CRHR2: variants seen among roughly 807,000 people sequenced by gnomAD.
The protein encoded by CRHR2 is corticotropin-releasing hormone receptor 2.
A neutral mutation model predicts 57.9 loss-of-function variants in CRHR2; 53 were observed. The ratio of observed to expected loss-of-function variants is 0.92; its 90% CI spans 0.73 to 1.15. The LOEUF is 1.15. CRHR2 is among the 50% of genes most tolerant of loss of function. The pLI is 0.00. For missense variants in CRHR2, 532 were observed against 542.6 expected, an observed-to-expected ratio of 0.98 and a Z score of 0.19; for synonymous variants, 213 against 220.9, an observed-to-expected ratio of 0.96 and a Z score of 0.32.
Position 30,662,109 on chromosome 7 carries a change from C to T in CRHR2, c.758+47G>A, listed in dbSNP as rs551153134. On this transcript the variant is annotated intron_variant, in intron 7 of 11. Transcript: ENST00000471646. ...GCCCAAGGCTGACCTGTCCTAACAC[C>T]CCCATTCCCTTCCCCATGACCCCCC... 5.6e-6 allele frequency: 9 copies of T among 1,603,202 alleles called. No homozygotes were observed. In the South Asian group the frequency reaches 7.7e-5, roughly 14 times the overall value.
At chr7:30,692,475 T>C (rs968528273) in intron 1 of CRHR2, among the ~76,000 whole-genome samples, 1 of 152,174 alleles carries the variant, frequency 6.6e-6, no homozygotes, top group Non-Finnish European at 1.5e-5. Flanking sequence ...CGAAGGCCGT[T>C]CGGCGAACTG....
chr7:30,695,449 CTT>C lies in CRHR2; in HGVS notation c.-261+4493_-261+4494del, dbSNP rs147153139. 3.5e-4 allele frequency among the ~76,000 whole-genome samples: 53 copies of C among 152,216 alleles called. No homozygotes were observed. The East Asian group carries it at 9.7e-3, about 28-fold the overall frequency. ...GCCTCTCCTCATTCTGCTGTTCTCT[CTT>C]CTCTCTGAACGCCCATGAATCCCTC... On this transcript the variant is annotated intron_variant, in intron 1 of 13. Transcript: ENST00000341843.
At chr7:30,689,169 G>T in intron 2 of CRHR2, 1 of 1,544,870 alleles carries the variant, frequency 6.5e-7, no homozygotes, top group Non-Finnish European at 8.8e-7. Context: ...GCTGCTGCAG[G>T]GTGGTGGCAG....
chr7:30,664,801 T>G (rs925306208), intron 5 of CRHR2, among the ~76,000 whole-genome samples: 21 of 152,000 alleles, frequency 1.4e-4, no homozygotes, highest in Non-Finnish European at 2.9e-4. Context: ...AGTCTCTGTG[T>G]GCAAATCTCC....
intron 7 of CRHR2, among the ~76,000 whole-genome samples, chr7:30,661,776 T>C (rs1418379787): frequency 1.3e-5 from 2 of 152,110 alleles, no homozygotes; most frequent in African/African-American, 4.8e-5. Context: ...CTCTGTTAAA[T>C]GCTCATGGAC....
Position 30,662,661 on chromosome 7 carries a change from C to G in CRHR2, c.697+33G>C, listed in dbSNP as rs200828529. 95 of 1,602,012 alleles carry G rather than the reference C, an allele frequency of 5.9e-5. No individual in the cohort carries two copies. The East Asian group carries it at 9.4e-4, about 16-fold the overall frequency. On this transcript the variant is annotated intron_variant, in intron 6 of 11. Transcript: ENST00000471646. ...AATGGCCTGGTGAGAAGTCCTCCCC[C>G]CAACTAGGCCCTGCTGCCCCTGGGA...
At chr7:30,682,080 C>T in intron 1 of CRHR2, 40 bp from the exon 2 acceptor site, 2 of 1,549,552 alleles carry the variant, frequency 1.3e-6, no homozygotes, top group Non-Finnish European at 1.7e-6. Flanking sequence ...CAGAGGGGCC[C>T]GCAGGGACGC....
At chr7:30,667,476 T>C (rs1784224750) in intron 2 of CRHR2, among the ~76,000 whole-genome samples, 163 bp from the exon 3 acceptor site, 1 of 152,178 alleles carries the variant, frequency 6.6e-6, no homozygotes, top group Non-Finnish European at 1.5e-5. Flanking sequence ...TATGTGAAAA[T>C]AGCACAAAAG....
At position 30,656,518 on chromosome 7, in the gene CRHR2, A is replaced by T. The variant is rs988172487; in HGVS notation, c.832-506T>A. ...GGAGGGATTAAGAACTCAGTTGCCG[A>T]ATGAGTGATTAATCTGCCAGCATCC... On this transcript the variant is annotated intron_variant, in intron 8 of 11. Transcript: ENST00000471646. This position sits in a 1 kb window ranked among gnomAD's most constrained non-coding sequence, Gnocchi z 4.4. 6.6e-6 allele frequency among the ~76,000 whole-genome samples: 1 copy of T among 152,010 alleles called. No homozygotes were observed. The highest frequency in any genetic ancestry group is 1.5e-5 in the Non-Finnish European group (1 of 67,968).
intron 1 of CRHR2, among the ~76,000 whole-genome samples, chr7:30,694,621 C>T (rs1322624997): frequency 6.6e-6 from 1 of 152,182 alleles, no homozygotes; most frequent in African/African-American, 2.4e-5. Flanking sequence ...AGCTCCCTCC[C>T]TGCTTTCTCC....
In CRHR2 at chr7:30,656,883, T is replaced by C. The variant is rs191419707; in HGVS notation, c.832-871A>G. On this transcript the variant is annotated intron_variant, in intron 8 of 11. Coordinates refer to ENST00000471646, the MANE Select transcript of CRHR2 (RefSeq NM_001883.5). The surrounding 1 kb of genome is among the most constrained non-coding windows in gnomAD (Gnocchi z 4.4). ...GCAAGTGTGTTTGCCTCACAGAGCG[T>C]GTGCATGTGTGAGCATGGATCTGGG... 2.0e-4 allele frequency among the ~76,000 whole-genome samples: 30 copies of C among 152,280 alleles called. No individual in the cohort carries two copies. The highest frequency in any genetic ancestry group is 5.5e-4 in the African/African-American group (23 of 41,550).
rs754768112 is a variant in CRHR2, at chr7:30,665,938, G to A, written c.316-299C>T. Among the ~76,000 whole-genome samples, 7 of 152,112 alleles carry A rather than the reference G, an allele frequency of 4.6e-5. No homozygotes were observed. The highest frequency in any genetic ancestry group is 7.4e-5 in the Non-Finnish European group (5 of 68,010). On this transcript the variant is annotated intron_variant, in intron 3 of 11. Coordinates refer to ENST00000471646, the MANE Select transcript of CRHR2 (RefSeq NM_001883.5). The surrounding 1 kb of genome is among the most constrained non-coding windows in gnomAD (Gnocchi z 4.5). Reference sequence around the variant, plus strand: ...TTCACAGGTGTGATCACAGTGCACCGCAGCCTTGATCTGCAGGCCTGAAGC... The same window carrying A: ...TTCACAGGTGTGATCACAGTGCACCACAGCCTTGATCTGCAGGCCTGAAGC...
At chr7:30,698,771 G>C (rs945530165) in intron 1 of CRHR2, among the ~76,000 whole-genome samples, 2 of 152,188 alleles carry the variant, frequency 1.3e-5, no homozygotes, top group Admixed American at 1.3e-4. Context: ...CATTCACTGC[G>C]TGCTCACACC....
At chr7:30,670,184 T>A (rs1784314614) in intron 2 of CRHR2, among the ~76,000 whole-genome samples, 2 of 152,284 alleles carry the variant, frequency 1.3e-5, no homozygotes, top group South Asian at 4.1e-4. Flanking sequence ...TCCAGCCTAT[T>A]CTAATGTCTT....
At chr7:30,662,594 G>T in intron 6 of CRHR2, 100 bp downstream of exon 6, 2 of 1,447,646 alleles carry the variant, frequency 1.4e-6, no homozygotes, top group Admixed American at 2.0e-5. Context: ...TGGGGGTGGA[G>T]GGCAGGGCCA....
chr7:30,682,514 G>A, upstream of CRHR2: 1 of 1,265,410 alleles, frequency 7.9e-7, no homozygotes, highest in Non-Finnish European at 9.9e-7. Flanking sequence ...CAGCCGCTCC[G>A]CCGCGGCCAA....
chr7:30,699,922 GACTCCC>G, intron 1 of CRHR2: 1 of 1,499,290 alleles, frequency 6.7e-7, no homozygotes, highest in Non-Finnish European at 8.9e-7. Flanking sequence ...CCACCTCGTG[GACTCCC>G]ACTCCCTGCA....
At position 30,682,445 on chromosome 7, in the gene CRHR2, G is replaced by C. The variant is rs1562807470; in HGVS notation, c.-165C>G. On this transcript the variant is annotated 5_prime_UTR_variant, in exon 1 of 12. Transcript: ENST00000471646. ...TTTGGGCGCCACCTCCGGTCGCCCAGAGCTGTCAAGTGGGGACCTTCCCGG... is the reference window on the plus strand; with the variant it reads ...TTTGGGCGCCACCTCCGGTCGCCCACAGCTGTCAAGTGGGGACCTTCCCGG... 2 of 1,353,314 alleles carry C rather than the reference G, an allele frequency of 1.5e-6. No individual in the cohort carries two copies. The highest frequency in any genetic ancestry group is 2.7e-4 in the Middle Eastern group (1 of 3,676). 83.8% of individuals were successfully genotyped at this position (1,353,314 alleles called of 1,614,324 possible). A position where few individuals can be genotyped will look rare whatever the true frequency, so the allele number is the denominator to read the frequency against.
At chr7:30,698,226 T>A (rs1022270110) in intron 1 of CRHR2, 4 of 152,294 alleles carry the variant, frequency 2.6e-5, no homozygotes, top group Admixed American at 1.3e-4. Context: ...GCTGAGTGGC[T>A]GTGGGTAAGT....
Sources: gnomAD v4.1 joint callset for allele counts (sites outside exome capture counted in the v4.1 genomes callset) on GRCh38, gnomAD v4.1.1 for gene constraint, Gnocchi (gnomAD v3.1) non-coding constraint, MANE v1.5 for transcripts, NCBI Gene and HGNC (gene_info 2026-07-23, HGNC 2026-07-21) for gene names.